The following C10orf67 variants were observed in gnomAD, a reference collection of about 807,000 sequenced individuals.
C10orf67 encodes the protein chromosome 10 open reading frame 67.
Under a neutral mutation model 35.6 loss-of-function variants are expected in C10orf67, and 60 were observed. The ratio of observed to expected loss-of-function variants is 1.68; its 90% CI spans 1.37 to 2.09. The LOEUF is 2.09. Among genes scored for constraint, C10orf67 ranks in the 30% most tolerant of loss-of-function variants. C10orf67 has a pLI of 0.00. For missense variants in C10orf67, 474 were observed against 330.2 expected, an observed-to-expected ratio of 1.44 and a Z score of -3.38; for synonymous variants, 167 against 115.8, an observed-to-expected ratio of 1.44 and a Z score of -2.84.
intron 2 of C10orf67, among the ~76,000 whole-genome samples, chr10:23,325,546 A>AC (rs749657542): frequency 0.1 from 14,424 of 142,962 alleles, 1,636 homozygotes; most frequent in East Asian, 0.62. Flanking sequence ...AAAAAAAAAA[A>AC]CAAAAAACAA....
intron 5 of C10orf67, among the ~76,000 whole-genome samples, chr10:23,293,946 T>C (rs745949910): frequency 6.6e-6 from 1 of 152,234 alleles, no homozygotes; most frequent in Non-Finnish European, 1.5e-5. Context: ...TGTCAGAGTC[T>C]GCATCTAACG....
At chr10:23,271,444 G>C (rs370066039) in intron 8 of C10orf67, among the ~76,000 whole-genome samples, 1 of 152,250 alleles carries the variant, frequency 6.6e-6, no homozygotes, top group Non-Finnish European at 1.5e-5. Flanking sequence ...CAAGGAGTGG[G>C]ATAGCCAGAC....
At chr10:23,321,387 T>G (rs1844950084) in intron 3 of C10orf67, among the ~76,000 whole-genome samples, 1 of 152,208 alleles carries the variant, frequency 6.6e-6, no homozygotes, top group Middle Eastern at 3.2e-3. Flanking sequence ...TTTTTTAATT[T>G]ATTTTGTAGA....
chr10:23,327,806 C>A (rs1488229553), intron 2 of C10orf67, among the ~76,000 whole-genome samples: 1 of 150,360 alleles, frequency 6.7e-6, no homozygotes, highest in East Asian at 2.0e-4. Flanking sequence ...GCCTGGGTGA[C>A]AGGGCAAGAC....
intron 15 of C10orf67, among the ~76,000 whole-genome samples, chr10:23,219,078 T>C (rs905163762): frequency 6.6e-6 from 1 of 152,214 alleles, no homozygotes; most frequent in Non-Finnish European, 1.5e-5. Flanking sequence ...TTATTGAAAA[T>C]ATATCTTGGG....
intron 15 of C10orf67, among the ~76,000 whole-genome samples, chr10:23,221,887 A>C (rs1841591085): frequency 6.6e-6 from 1 of 152,214 alleles, no homozygotes; most frequent in Non-Finnish European, 1.5e-5. Flanking sequence ...TATTTCCGAA[A>C]ACTATCTTCA....
intron 5 of C10orf67, among the ~76,000 whole-genome samples, chr10:23,297,756 T>A (rs1038033633): frequency 6.6e-6 from 1 of 152,188 alleles, no homozygotes; most frequent in African/African-American, 2.4e-5. Context: ...GGGTTAAGAG[T>A]TGCACAAGTG....
chr10:23,233,254 T>C (rs1454037522), intron 13 of C10orf67, among the ~76,000 whole-genome samples: 1 of 152,204 alleles, frequency 6.6e-6, no homozygotes, highest in Non-Finnish European at 1.5e-5. Context: ...AATAAAATAA[T>C]GTTTACTCAT....
intron 1 of C10orf67, among the ~76,000 whole-genome samples, chr10:23,342,071 G>A (rs1307528412): frequency 3.9e-5 from 6 of 152,106 alleles, no homozygotes; most frequent in African/African-American, 9.7e-5. Flanking sequence ...GGCTGAGGTG[G>A]AGGGATCGCT....
chr10:23,264,176 C>T (rs1011981299), intron 10 of C10orf67, among the ~76,000 whole-genome samples: 2 of 151,770 alleles, frequency 1.3e-5, no homozygotes, highest in African/African-American at 2.4e-5. Flanking sequence ...AAGAGAGGAG[C>T]GGGAAAATTA....
At chr10:23,224,971 C>T (rs1841695058) in intron 13 of C10orf67, among the ~76,000 whole-genome samples, 1 of 152,068 alleles carries the variant, frequency 6.6e-6, no homozygotes, top group African/African-American at 2.4e-5. Flanking sequence ...GAGAACTTCC[C>T]CAACCTAGCA....
intron 4 of C10orf67, among the ~76,000 whole-genome samples, chr10:23,314,123 G>A (rs1055449263): frequency 9.2e-5 from 14 of 152,138 alleles, no homozygotes; most frequent in African/African-American, 3.4e-4. Context: ...GGGAGGCAGA[G>A]GTTGCAGTGA....
At chr10:23,332,291 A>C (rs537062747) in intron 2 of C10orf67, among the ~76,000 whole-genome samples, 3 of 152,250 alleles carry the variant, frequency 2.0e-5, no homozygotes, top group African/African-American at 7.2e-5. Flanking sequence ...ACAAGAGTAT[A>C]GTGGTATGCT....
chr10:23,299,870 C>CA (rs1210753167), intron 5 of C10orf67, among the ~76,000 whole-genome samples: 1 of 151,626 alleles, frequency 6.6e-6, no homozygotes, highest in African/African-American at 2.4e-5. Flanking sequence ...CCCAGCTACT[C>CA]AGGAGGCTGA....
intron 10 of C10orf67, among the ~76,000 whole-genome samples, chr10:23,255,152 C>G (rs757579363): frequency 1.3e-5 from 2 of 152,090 alleles, no homozygotes; most frequent in Non-Finnish European, 2.9e-5. Flanking sequence ...CCTCATGCAC[C>G]TACAATTTGG....
intron 1 of C10orf67, among the ~76,000 whole-genome samples, chr10:23,337,129 G>A (rs1845717628): frequency 6.6e-6 from 1 of 152,006 alleles, no homozygotes; most frequent in Admixed American, 6.6e-5. Flanking sequence ...ATACTGATAT[G>A]AATGAATGAA....
intron 13 of C10orf67, among the ~76,000 whole-genome samples, 193 bp downstream of exon 13, chr10:23,239,536 A>T (rs1842127537): frequency 6.6e-6 from 1 of 152,100 alleles, no homozygotes; most frequent in Non-Finnish European, 1.5e-5. Flanking sequence ...TTACACATCT[A>T]CCTCTCACAC....
intron 7 of C10orf67, among the ~76,000 whole-genome samples, chr10:23,283,548 A>G (rs1264455154): frequency 6.6e-6 from 1 of 152,114 alleles, no homozygotes; most frequent in Non-Finnish European, 1.5e-5. Context: ...AGGCCCTCCA[A>G]CGCACTCAGA....
intron 5 of C10orf67, among the ~76,000 whole-genome samples, chr10:23,300,847 T>C (rs1407276288): frequency 6.6e-6 from 1 of 152,200 alleles, no homozygotes; most frequent in Non-Finnish European, 1.5e-5. Flanking sequence ...ATCCTATCAT[T>C]GAACTGACTG....
Sources: allele counts gnomAD v4.1 joint callset (sites outside exome capture counted in the v4.1 genomes callset), GRCh38; gene constraint gnomAD v4.1.1; transcripts MANE v1.5; gene names NCBI Gene and HGNC (gene_info 2026-07-23, HGNC 2026-07-21).